The following SNX29 variants were observed in gnomAD, a reference collection of about 807,000 sequenced individuals.
SNX29 encodes sorting nexin 29, also known as sorting nexin-29.
In SNX29, 78 loss-of-function variants were observed where a neutral mutation model predicts 102.1. The observed-to-expected ratio is 0.76, with a 90% CI of 0.64 to 0.92. The LOEUF (loss-of-function observed/expected upper bound fraction) is 0.92. Among genes scored for constraint, SNX29 ranks in the 40% least tolerant of loss-of-function variants. The pLI is 0.00. For synonymous variants in SNX29, 580 were observed against 414.5 expected, an observed-to-expected ratio of 1.40 and a Z score of -4.85; for missense variants, 1,280 against 1,061.7, an observed-to-expected ratio of 1.21 and a Z score of -2.86.
At chr16:12,564,281 A>G (rs182149447) in intron 20 of SNX29, among the ~76,000 whole-genome samples, 1 of 152,206 alleles carries the variant, frequency 6.6e-6, no homozygotes, top group Non-Finnish European at 1.5e-5. Context: ...TCTACCAGTA[A>G]AAGTTCCTAT....
At chr16:12,278,276 A>G (rs1435934422) in intron 15 of SNX29, among the ~76,000 whole-genome samples, 2 of 152,220 alleles carry the variant, frequency 1.3e-5, no homozygotes, top group African/African-American at 4.8e-5. Flanking sequence ...ACATAAGAGA[A>G]AACATATATG....
chr16:12,095,254 C>A (rs1284318364), intron 11 of SNX29: 1 of 152,182 alleles, frequency 6.6e-6, no homozygotes, highest in African/African-American at 2.4e-5. Flanking sequence ...AAAGTTTCTA[C>A]TCTTGAGTTA....
chr16:12,099,316 C>T (rs2141186967), intron 11 of SNX29, among the ~76,000 whole-genome samples: 1 of 152,296 alleles, frequency 6.6e-6, no homozygotes, highest in South Asian at 2.1e-4. Context: ...GCCCTTCTCC[C>T]TGATTCTTCT....
chr16:12,175,108 T>A (rs1039537706), intron 13 of SNX29, among the ~76,000 whole-genome samples: 1 of 152,190 alleles, frequency 6.6e-6, no homozygotes, highest in Non-Finnish European at 1.5e-5. Flanking sequence ...TTTTTAGGGT[T>A]TATGTTCAGG....
At position 12,167,406 on chromosome 16, in the gene SNX29, G is replaced by A. The variant is rs560035882; in HGVS notation, c.1596-32195G>A. ...CAGAGCCTCTGTGGGTCCAGGTAGA[G>A]CTCTTGATATTTCTTGTTCCTTCCC... is the stretch of plus-strand genomic sequence containing the variant. On this transcript the variant is annotated intron_variant, in intron 13 of 20. Transcript: ENST00000566228. 5.3e-5 allele frequency among the ~76,000 whole-genome samples: 8 copies of A among 152,220 alleles called. 1 individual carries two copies. Among genetic ancestry groups the A allele is most frequent in the South Asian group, 4.1e-4 (2 of 4,820 alleles).
intron 18 of SNX29, among the ~76,000 whole-genome samples, chr16:12,470,499 C>T (rs963456107): frequency 1.3e-5 from 2 of 152,114 alleles, no homozygotes; most frequent in Non-Finnish European, 2.9e-5. Flanking sequence ...ATGCCCAGGC[C>T]GGCCTGCAGC....
chr16:12,524,228 G>A (rs2090209565), intron 19 of SNX29, among the ~76,000 whole-genome samples: 1 of 152,042 alleles, frequency 6.6e-6, no homozygotes, highest in Admixed American at 6.6e-5. Context: ...CAGTTGTTTT[G>A]TATTTCGAGA....
At chr16:12,041,120 TG>T (rs1323032048) in intron 4 of SNX29, among the ~76,000 whole-genome samples, 2 of 152,138 alleles carry the variant, frequency 1.3e-5, no homozygotes, top group Admixed American at 6.5e-5. Context: ...TTTTTTGTTT[TG>T]TTTTTTTTGA....
intron 20 of SNX29, chr16:12,557,820 T>C (rs1377301446): frequency 6.6e-6 from 1 of 152,216 alleles, no homozygotes; most frequent in Non-Finnish European, 1.5e-5. Flanking sequence ...CTGCAGTCTG[T>C]TGTTCACCAA....
chr16:12,483,639 G>A (rs2088083507), intron 19 of SNX29, among the ~76,000 whole-genome samples: 1 of 152,160 alleles, frequency 6.6e-6, no homozygotes, highest in Non-Finnish European at 1.5e-5. Flanking sequence ...TATCACAGGT[G>A]TGGGGTTTGT....
intron 14 of SNX29, among the ~76,000 whole-genome samples, chr16:12,222,958 A>G (rs912459821): frequency 1.3e-5 from 2 of 152,224 alleles, no homozygotes; most frequent in African/African-American, 4.8e-5. Context: ...GGCTAAACTG[A>G]GGCTCAATGC....
intron 19 of SNX29, among the ~76,000 whole-genome samples, chr16:12,503,415 C>G (rs1388510358): frequency 6.6e-6 from 1 of 152,114 alleles, no homozygotes; most frequent in East Asian, 1.9e-4. Context: ...TAAGCCCGTG[C>G]ACTGAGAAGT....
In SNX29 at chr16:12,573,367, C is replaced by T. The variant is rs771293167; in HGVS notation, c.*4738C>T. The stretch of plus-strand genomic sequence containing the variant: ...ACAGTTACTTCTAAATCCCAGCAAC[C>T]AAGTTGCGTATCCTTCCTTATAGCT... On this transcript the variant is annotated 3_prime_UTR_variant, in exon 21 of 21. Coordinates refer to ENST00000566228, the MANE Select transcript of SNX29 (RefSeq NM_032167.5). 3.6e-5 allele frequency: 8 copies of T among 224,634 alleles called. No individual in the cohort carries two copies. Among genetic ancestry groups the T allele is most frequent in the East Asian group, 1.3e-4 (2 of 15,538 alleles). The allele number at this position is 224,634 out of a possible 1,614,324, so 13.9% of individuals were successfully genotyped here. A position where few individuals can be genotyped will look rare whatever the true frequency, so the allele number is the denominator to read the frequency against.
chr16:12,027,605 T>G, intron 4 of SNX29, 161 bp downstream of exon 4: 1 of 741,174 alleles, frequency 1.3e-6, no homozygotes, highest in Non-Finnish European at 2.1e-6. Context: ...CAAAACGTAA[T>G]GGTGTTGTCT....
chr16:12,546,240 C>A (rs897143324), intron 20 of SNX29: 4 of 152,216 alleles, frequency 2.6e-5, no homozygotes, highest in African/African-American at 9.7e-5. Context: ...GTAAACTTGA[C>A]CTCTTTTCGA....
chr16:12,450,916 G>A (rs1034889096), intron 18 of SNX29, among the ~76,000 whole-genome samples: 1 of 152,142 alleles, frequency 6.6e-6, no homozygotes, highest in African/African-American at 2.4e-5. Flanking sequence ...GCCTGGACTT[G>A]ATACAGCATC....
intron 20 of SNX29, among the ~76,000 whole-genome samples, chr16:12,563,238 A>G (rs147652726): frequency 2.9e-3 from 439 of 152,096 alleles, no homozygotes; most frequent in Admixed American, 6.6e-3. Context: ...TGGCCTCCCC[A>G]TCATCACTGA....
At chr16:12,500,723 T>C (rs904449474) in intron 19 of SNX29, among the ~76,000 whole-genome samples, 7 of 152,254 alleles carry the variant, frequency 4.6e-5, no homozygotes, top group African/African-American at 1.2e-4. Context: ...ATGTGCAGAT[T>C]TCAGGCCCCA....
intron 18 of SNX29, among the ~76,000 whole-genome samples, chr16:12,465,464 G>A (rs2087007973): frequency 6.6e-6 from 1 of 152,110 alleles, no homozygotes; most frequent in Non-Finnish European, 1.5e-5. Flanking sequence ...TTATTGAAAA[G>A]ACAGTCTTTT....
Sources: gnomAD v4.1 joint callset for allele counts (sites outside exome capture counted in the v4.1 genomes callset) on GRCh38, gnomAD v4.1.1 for gene constraint, MANE v1.5 for transcripts, NCBI Gene and HGNC (gene_info 2026-07-23, HGNC 2026-07-21) for gene names.